The following ANK2 variants were observed in gnomAD, a reference collection of about 807,000 sequenced individuals.
The protein encoded by ANK2 is ankyrin-2.
A neutral mutation model predicts 360.5 loss-of-function variants in ANK2; 83 were observed. The observed-to-expected ratio is 0.23, with a 90% confidence interval of 0.19 to 0.28. The LOEUF (loss-of-function observed/expected upper bound fraction) is 0.28. Ranked by LOEUF, ANK2 falls within the 10% of genes least tolerant of loss-of-function variation. ANK2 has a pLI of 1.00. For synonymous variants in ANK2, 1,740 were observed against 1,759.5 expected (o/e 0.99, Z 0.28); for missense variants, 4,201 against 4,795.7 (o/e 0.88, Z 3.66).
chr4:112,830,198 A>G (rs2059414138), intron 1 of ANK2, among the ~76,000 whole-genome samples: 1 of 152,208 alleles, frequency 6.6e-6, no homozygotes, highest in Admixed American at 6.5e-5. Flanking sequence ...TCATATGCAC[A>G]CATATGTTCA....
chr4:112,987,452 C>T (rs953512572), intron 2 of ANK2, among the ~76,000 whole-genome samples: 1 of 152,132 alleles, frequency 6.6e-6, no homozygotes, highest in Non-Finnish European at 1.5e-5. Context: ...CCTGATCTGC[C>T]TTTGTTAGAA....
intron 2 of ANK2, among the ~76,000 whole-genome samples, chr4:113,002,713 C>T (rs2051249432): frequency 6.6e-6 from 1 of 152,208 alleles, no homozygotes. Context: ...TGGACTTTCT[C>T]TGTTAATAAC....
chr4:113,315,161 T>G (rs895729175), intron 24 of ANK2, among the ~76,000 whole-genome samples: 1 of 152,200 alleles, frequency 6.6e-6, no homozygotes, highest in Non-Finnish European at 1.5e-5. Context: ...ACAAAACCAA[T>G]TGAGAGATAG....
intron 2 of ANK2, among the ~76,000 whole-genome samples, chr4:113,036,397 A>T (rs2061613211): frequency 6.6e-6 from 1 of 152,018 alleles, no homozygotes. Flanking sequence ...CAAGTAAGTT[A>T]TATGATTTGT....
chr4:113,299,397 T>C (rs962870890), intron 22 of ANK2, among the ~76,000 whole-genome samples: 3 of 152,164 alleles, frequency 2.0e-5, no homozygotes. Context: ...TTCACATTTT[T>C]AAATATTCCC....
the ANK2 span, among the ~76,000 whole-genome samples, chr4:112,785,675 G>A: frequency 6.6e-6 from 1 of 151,066 alleles, no homozygotes; most frequent in Non-Finnish European, 1.5e-5. Flanking sequence ...TGGCCTTTTT[G>A]TTTTTTTAAA....
chr4:113,381,530 G>A lies in ANK2; in HGVS notation c.*59G>A, dbSNP rs767727113. 10 of 1,613,654 alleles carry A rather than the reference G, an allele frequency of 6.2e-6. No individual in the cohort carries two copies. The East Asian group carries it at 2.0e-4, about 32-fold the overall frequency. On this transcript the variant is annotated 3_prime_UTR_variant, in exon 46 of 46. Transcript: ENST00000357077. ...CCAGCATGGAAAACGCATTGACTTG[G>A]AGCACCTGGAGGATGTACCAGAAGC...
intron 4 of ANK2, among the ~76,000 whole-genome samples, chr4:113,207,715 A>G (rs903997171): frequency 6.6e-6 from 1 of 151,608 alleles, no homozygotes; most frequent in Non-Finnish European, 1.5e-5. Flanking sequence ...AAGAAGAAGT[A>G]AAAACATGAC....
At chr4:112,946,510 AG>A (rs1192376619) in intron 2 of ANK2, among the ~76,000 whole-genome samples, 1 of 152,182 alleles carries the variant, frequency 6.6e-6, no homozygotes, top group Non-Finnish European at 1.5e-5. Context: ...CAAACAAGGA[AG>A]GTGGAATCTG....
chr4:112,882,927 G>T (rs2150468984), intron 1 of ANK2, among the ~76,000 whole-genome samples: 1 of 150,400 alleles, frequency 6.6e-6, no homozygotes, highest in African/African-American at 2.4e-5. Flanking sequence ...AGGCTGGACT[G>T]GCCTATACCT....
intron 17 of ANK2, among the ~76,000 whole-genome samples, chr4:113,281,864 C>T (rs1249551672): frequency 6.6e-6 from 1 of 152,076 alleles, no homozygotes; most frequent in Non-Finnish European, 1.5e-5. Flanking sequence ...ACTTTCAAAG[C>T]AGCAGGTTAT....
At chr4:113,322,848 T>A (rs1588173427) in intron 26 of ANK2, among the ~76,000 whole-genome samples, 1 of 152,342 alleles carries the variant, frequency 6.6e-6, no homozygotes, top group South Asian at 2.1e-4. Flanking sequence ...AATATTAATG[T>A]TTATCTAATA....
chr4:113,207,217 C>G lies in ANK2; in HGVS notation c.384+8108C>G, dbSNP rs567242011. On this transcript the variant is annotated intron_variant, in intron 4 of 45. Transcript: ENST00000357077. Reference sequence around the variant, plus strand: ...TAAAATTAATACAATTATATTTTGCCTTTATGCTCATTTATCTGGGGACAG... The same window carrying G: ...TAAAATTAATACAATTATATTTTGCGTTTATGCTCATTTATCTGGGGACAG... Among the ~76,000 whole-genome samples, 4 of 152,220 alleles carry G rather than the reference C, an allele frequency of 2.6e-5. No individual in the cohort carries two copies. In the South Asian group the frequency reaches 8.3e-4, roughly 32 times the overall value.
chr4:112,819,009 G>A (rs73842998), intron 1 of ANK2, among the ~76,000 whole-genome samples: 3,203 of 152,002 alleles, frequency 0.021, 112 homozygotes, highest in African/African-American at 0.073. Context: ...TCTTTGGCTT[G>A]GTTTTTATTT....
the ANK2 span, among the ~76,000 whole-genome samples, chr4:112,777,511 G>C: frequency 6.6e-6 from 1 of 151,960 alleles, no homozygotes; most frequent in South Asian, 2.1e-4. Context: ...AAAGTGCTGG[G>C]ATTACAGGCG....
intron 5 of ANK2, among the ~76,000 whole-genome samples, chr4:113,235,331 T>C (rs2099363186): frequency 6.6e-6 from 1 of 152,178 alleles, no homozygotes; most frequent in Non-Finnish European, 1.5e-5. Context: ...TGTTAAGTAA[T>C]GTGTTGTGTT....
At chr4:113,011,893 T>G (rs933838334) in intron 2 of ANK2, among the ~76,000 whole-genome samples, 8 of 152,116 alleles carry the variant, frequency 5.3e-5, no homozygotes, top group African/African-American at 1.9e-4. Context: ...TATGCATATT[T>G]CTTATGTAGA....
intron 2 of ANK2, among the ~76,000 whole-genome samples, chr4:113,021,207 A>G (rs1014571284): frequency 4.6e-5 from 7 of 152,120 alleles, no homozygotes; most frequent in Admixed American, 1.3e-4. Flanking sequence ...TTGAATTCCA[A>G]TGAAAAGAAG....
chr4:112,925,893 C>T (rs1581266273), intron 2 of ANK2, among the ~76,000 whole-genome samples: 1 of 152,268 alleles, frequency 6.6e-6, no homozygotes, highest in East Asian at 1.9e-4. Context: ...TTTGGTGATA[C>T]TTTTCTTTTA....
Sources: allele counts gnomAD v4.1 joint callset (sites outside exome capture counted in the v4.1 genomes callset), GRCh38; gene constraint gnomAD v4.1.1; transcripts MANE v1.5; gene names NCBI Gene and HGNC (gene_info 2026-07-23, HGNC 2026-07-21).